The following KDM6A variants were observed in gnomAD, a reference collection of about 807,000 sequenced individuals.
KDM6A encodes the protein lysine-specific demethylase 6A.
Under a neutral mutation model 117.6 loss-of-function variants are expected in KDM6A, and 11 were observed. The observed-to-expected ratio is 0.09, with a 90% CI of 0.06 to 0.15. KDM6A has a LOEUF of 0.15. Ranked by LOEUF, KDM6A falls within the 10% of genes least tolerant of loss-of-function variation. The pLI is 1.00. For synonymous variants in KDM6A, 384 were observed against 396.1 expected (o/e 0.97, Z 0.36); for missense variants, 799 against 1,077.3 (o/e 0.74, Z 3.62).
intron 3 of KDM6A, among the ~76,000 whole-genome samples, chrX:44,973,465 G>T (rs747870942): frequency 1.8e-5 from 2 of 111,613 alleles, no homozygotes; most frequent in African/African-American, 6.5e-5. Flanking sequence ...GAGACTTTGC[G>T]TATCAGAAAA....
chrX:44,992,237 T>TTTTTTTTA, intron 4 of KDM6A, among the ~76,000 whole-genome samples: 1 of 52,156 alleles, frequency 1.9e-5, no homozygotes, highest in Non-Finnish European at 3.2e-5. Context: ...TTTTTTTTTT[T>TTTTTTTTA]TTTTGAGACG....
chrX:44,899,559 T>C lies in KDM6A; in HGVS notation c.225+25572T>C, dbSNP rs778359970. 4.5e-4 allele frequency among the ~76,000 whole-genome samples: 49 copies of C among 109,538 alleles called. 1 individual carries two copies. The South Asian group carries it at 0.02, about 44-fold the overall frequency. Reference sequence around the variant, plus strand: ...GGAATTTTTTTTTTCTCTGTGACAGTTGGTGATACTGTATTGGGGTCTTCT... The same window carrying C: ...GGAATTTTTTTTTTCTCTGTGACAGCTGGTGATACTGTATTGGGGTCTTCT... On this transcript the variant is annotated intron_variant, in intron 2 of 29. Transcript: ENST00000611820.
At chrX:44,943,472 G>C (rs1205154622) in intron 2 of KDM6A, among the ~76,000 whole-genome samples, 3 of 109,772 alleles carry the variant, frequency 2.7e-5, no homozygotes, top group Non-Finnish European at 3.9e-5. Flanking sequence ...ATAAAGTGAA[G>C]TGCAATAAAA....
chrX:44,949,476 GT>G (rs929718071), intron 2 of KDM6A, among the ~76,000 whole-genome samples: 23 of 90,321 alleles, frequency 2.5e-4, no homozygotes, highest in Non-Finnish European at 3.2e-4. Flanking sequence ...CTATTAAAAA[GT>G]TTTTTTTTTT....
chrX:45,048,815 T>C (rs1365992958), intron 8 of KDM6A, among the ~76,000 whole-genome samples: 1 of 109,946 alleles, frequency 9.1e-6, no homozygotes, highest in Non-Finnish European at 1.9e-5. Context: ...TGTGAAGCTG[T>C]GTGTGGAATG....
chrX:44,986,570 A>G (rs2040238950), intron 4 of KDM6A, among the ~76,000 whole-genome samples: 1 of 111,542 alleles, frequency 9.0e-6, no homozygotes, highest in Admixed American at 9.5e-5. Context: ...TTCCCTCTAC[A>G]CACTGCTTTG....
intron 3 of KDM6A, among the ~76,000 whole-genome samples, chrX:44,963,495 C>CTGTG (rs2038829172): frequency 5.2e-5 from 2 of 38,396 alleles, no homozygotes; most frequent in Admixed American, 7.6e-4. Context: ...GTCTGTCTGT[C>CTGTG]TGTCTCTGTC....
Position 45,112,155 on chromosome X carries a change from G to A in KDM6A, c.*744G>A, listed in dbSNP as rs1460485931. On this transcript the variant is annotated 3_prime_UTR_variant, in exon 30 of 30. Transcript: ENST00000611820. Reference sequence around the variant, plus strand: ...TGCCATTGAAATTTTAAGGAGTTCTGTAATTTCAAACACTACTCCTATTAC... The same window carrying A: ...TGCCATTGAAATTTTAAGGAGTTCTATAATTTCAAACACTACTCCTATTAC... 1.2e-5 allele frequency: 2 copies of A among 161,943 alleles called. No individual in the cohort carries two copies. The highest frequency in any genetic ancestry group is 2.4e-5 in the Non-Finnish European group (2 of 84,196). The allele number at this position is 161,943 out of a possible 1,213,427, so 13.3% of individuals were successfully genotyped here. A position where few individuals can be genotyped will look rare whatever the true frequency, so the allele number is the denominator to read the frequency against.
chrX:44,973,634 C>A (rs746756674), intron 3 of KDM6A, among the ~76,000 whole-genome samples: 120 of 111,081 alleles, frequency 1.1e-3, no homozygotes, highest in Non-Finnish European at 2.0e-3. Flanking sequence ...TCATAGCCTT[C>A]TTTTCTGGGA....
intron 27 of KDM6A, among the ~76,000 whole-genome samples, chrX:45,100,783 T>G (rs1418868462): frequency 1.8e-5 from 2 of 111,077 alleles, no homozygotes; most frequent in Non-Finnish European, 3.8e-5. Context: ...TGTCATATTA[T>G]TTTGTTATTC....
chrX:44,930,908 T>C, intron 2 of KDM6A, among the ~76,000 whole-genome samples: 2 of 111,679 alleles, frequency 1.8e-5, no homozygotes, highest in Middle Eastern at 4.6e-3. Context: ...CCTTTACATT[T>C]GAATTTTTAA....
chrX:45,050,561 GT>G (rs1195387665), intron 8 of KDM6A, among the ~76,000 whole-genome samples: 12 of 111,491 alleles, frequency 1.1e-4, no homozygotes, highest in Non-Finnish European at 3.8e-5. Flanking sequence ...ATACAGCCTA[GT>G]TTTGTATTTC....
rs1331156691 is a variant in KDM6A at position 44,922,027 on chromosome X, CCTTTTTTTTTTTTTTTTTTTT to C, written c.226-39256_226-39236del. Among the ~76,000 whole-genome samples the C allele has an allele frequency of 2.8e-3, 104 of 37,713 alleles. 7 individuals carry two copies. In the South Asian group the frequency reaches 0.063, roughly 23 times the overall value. The allele number at this position is 37,713 out of a possible 115,157, so 32.7% of individuals were successfully genotyped here. ...ATGCTGATAAAATTCATTGTGTGTG[CCTTTTTTTTTTTTTTTTTTTT>C]TTTTTTTTTTTTTTTTAAGAGACAG... On this transcript the variant is annotated intron_variant, in intron 2 of 29. Coordinates refer to ENST00000611820, the MANE Select transcript of KDM6A (RefSeq NM_001291415.2).
At chrX:45,039,722 A>G (rs2042976811) in intron 8 of KDM6A, among the ~76,000 whole-genome samples, 1 of 72,336 alleles carries the variant, frequency 1.4e-5, no homozygotes, top group East Asian at 4.4e-4. Context: ...CTTAAGGAGC[A>G]TGCTGCCTTC....
intron 4 of KDM6A, among the ~76,000 whole-genome samples, chrX:44,991,771 C>T (rs930812639): frequency 9.0e-6 from 1 of 111,631 alleles, no homozygotes; most frequent in Non-Finnish European, 1.9e-5. Flanking sequence ...ACTGCAATCT[C>T]TGCCTCCTGG....
At chrX:44,991,206 A>G (rs770057328) in intron 4 of KDM6A, among the ~76,000 whole-genome samples, 2 of 112,049 alleles carry the variant, frequency 1.8e-5, no homozygotes, top group African/African-American at 3.2e-5. Flanking sequence ...CCTTGCTTCA[A>G]TCAAAGGTTT....
intron 4 of KDM6A, among the ~76,000 whole-genome samples, chrX:45,008,205 T>C (rs2041591388): frequency 9.1e-6 from 1 of 110,204 alleles, no homozygotes; most frequent in Non-Finnish European, 1.9e-5. Context: ...AATGCCCGTC[T>C]CTACTAAAAA....
At position 45,059,020 on chromosome X, in the gene KDM6A, T is replaced by C. The variant is rs2044199364; in HGVS notation, c.890T>C (p.Ile297Thr). ...TCCCTTCTCAGGTGCTATTCAAGTA[T>C]TGGGAAAGTTCAGGATGCCTTTATA... ...WYFLGRCYSS[I>T]GKVQDAFISY... is the part of the protein sequence containing the mutation. Residue 297 changes from isoleucine (I) to threonine (T), a missense_variant, in exon 11 of 30, where the codon ATT becomes ACT. Around this residue, in one of 8 missense-constraint regions of KDM6A, gnomAD observed 10 missense variants for 47.7 expected, o/e 0.21. Transcript: ENST00000611820. 1 of 1,205,070 alleles carries C rather than the reference T, an allele frequency of 8.3e-7. No homozygotes were observed. Among genetic ancestry groups the C allele is most frequent in the Non-Finnish European group, 1.1e-6 (1 of 891,321 alleles).
At chrX:45,100,783 T>C (rs1418868462) in intron 27 of KDM6A, among the ~76,000 whole-genome samples, 1 of 111,077 alleles carries the variant, frequency 9.0e-6, no homozygotes, top group African/African-American at 3.3e-5. Context: ...TGTCATATTA[T>C]TTTGTTATTC....
Sources: allele counts gnomAD v4.1 joint callset (sites outside exome capture counted in the v4.1 genomes callset), GRCh38; gene constraint gnomAD v4.1.1; regional missense constraint gnomAD v4.1.1; transcripts MANE v1.5; gene names NCBI Gene and HGNC (gene_info 2026-07-23, HGNC 2026-07-21).